The following KALRN variants were observed in gnomAD, a reference collection of about 807,000 sequenced individuals.
KALRN encodes kalirin.
Under a neutral mutation model 353.7 loss-of-function variants are expected in KALRN, and 70 were observed. The ratio of observed to expected loss-of-function variants is 0.20; its 90% CI spans 0.16 to 0.24. KALRN has a LOEUF of 0.24. Ranked by LOEUF, KALRN falls within the 10% of genes least tolerant of loss-of-function variation. The probability of loss-of-function intolerance (pLI) is 1.00; values close to 1 mark genes in which losing one functional copy is unlikely to be tolerated. For missense variants in KALRN, 2,791 were observed against 3,756.7 expected, an observed-to-expected ratio of 0.74 and a Z score of 6.72; for synonymous variants, 1,391 against 1,434.8, an observed-to-expected ratio of 0.97 and a Z score of 0.69.
chr3:124,239,386 T>C (rs2080169862), intron 3 of KALRN, among the ~76,000 whole-genome samples: 1 of 152,204 alleles, frequency 6.6e-6, no homozygotes, highest in Admixed American at 6.5e-5. Flanking sequence ...ATCATCACTG[T>C]TAGCCTGCTT....
chr3:124,712,673 A>G (rs1441963717), intron 57 of KALRN, among the ~76,000 whole-genome samples: 2 of 149,242 alleles, frequency 1.3e-5, no homozygotes, highest in African/African-American at 4.9e-5. Context: ...AAAAAAAAAA[A>G]GCTTTATATT....
At chr3:124,533,782 C>T (rs909232156) in intron 33 of KALRN, among the ~76,000 whole-genome samples, 5 of 152,216 alleles carry the variant, frequency 3.3e-5, no homozygotes, top group African/African-American at 9.6e-5. Context: ...ATGCACTTTA[C>T]TCTCCAAAAG....
Position 124,495,281 on chromosome 3 carries a change from A to G in KALRN, c.4833-1030A>G, listed in dbSNP as rs146523205. 9.7e-3 allele frequency among the ~76,000 whole-genome samples: 1,474 copies of G among 152,266 alleles called. 8 individuals are homozygous for G. Among genetic ancestry groups the G allele is most frequent in the Non-Finnish European group, 0.016 (1,095 of 68,012 alleles). ...TCTGTATCGATAAGAAATCATTATAAACATGCATGAGATCCTCAAAACCCA... is the reference window on the plus strand; with the variant it reads ...TCTGTATCGATAAGAAATCATTATAGACATGCATGAGATCCTCAAAACCCA... On this transcript the variant is annotated intron_variant, in intron 32 of 59. Coordinates refer to ENST00000682506, the MANE Select transcript of KALRN (RefSeq NM_001388419.1).
At chr3:124,409,373 A>G (rs2091926463) in intron 13 of KALRN, among the ~76,000 whole-genome samples, 1 of 152,202 alleles carries the variant, frequency 6.6e-6, no homozygotes. Context: ...TTTTCTTTTC[A>G]GTCTTGTCTC....
At chr3:124,561,085 C>T (rs1386651511) in intron 33 of KALRN, among the ~76,000 whole-genome samples, 1 of 152,192 alleles carries the variant, frequency 6.6e-6, no homozygotes, top group Non-Finnish European at 1.5e-5. Flanking sequence ...GATAGTACCA[C>T]CTGGTTATTG....
chr3:124,393,906 A>G (rs886361276), intron 11 of KALRN, among the ~76,000 whole-genome samples: 6 of 152,122 alleles, frequency 3.9e-5, no homozygotes, highest in Non-Finnish European at 7.4e-5. Context: ...CTTGAAGACT[A>G]TTTTTGTCTC....
At chr3:124,331,805 G>A (rs1396974667) in intron 8 of KALRN, among the ~76,000 whole-genome samples, 2 of 152,110 alleles carry the variant, frequency 1.3e-5, no homozygotes, top group Non-Finnish European at 2.9e-5. Context: ...TCAGGCCCTA[G>A]CGTTGTGAGG....
chr3:124,476,639 A>T (rs1016738629), intron 26 of KALRN, among the ~76,000 whole-genome samples: 1 of 152,086 alleles, frequency 6.6e-6, no homozygotes, highest in African/African-American at 2.4e-5. Flanking sequence ...ATTTTCACCC[A>T]GCCGTAAGGT....
intron 1 of KALRN, among the ~76,000 whole-genome samples, chr3:124,103,214 A>G (rs2062017785): frequency 6.6e-6 from 1 of 152,184 alleles, no homozygotes; most frequent in Admixed American, 6.5e-5. Context: ...CCCAGGCAAG[A>G]TGTATCTAGG....
At position 124,268,984 on chromosome 3, in the gene KALRN, C is replaced by T; in HGVS notation, c.698C>T (p.Thr233Ile). 6.2e-7 allele frequency: 1 copy of T among 1,614,088 alleles called. No individual in the cohort carries two copies. ...TCTCGGCGGCTCATTGACGAACACACACAGCTCAAGAAAAAGGTGCTGAAG... is the reference window on the plus strand; with the variant it reads ...TCTCGGCGGCTCATTGACGAACACATACAGCTCAAGAAAAAGGTGCTGAAG... ...EGSRRLIDEH[T>I]QLKKKVLKAP... The change falls in exon 5 of 60, where the codon ACA (threonine) becomes ATA (isoleucine). Residue 233 changes from threonine to isoleucine, a missense_variant. Coordinates refer to ENST00000682506, the MANE Select transcript of KALRN (RefSeq NM_001388419.1).
At chr3:124,389,167 C>T (rs2088934331) in intron 11 of KALRN, among the ~76,000 whole-genome samples, 1 of 152,022 alleles carries the variant, frequency 6.6e-6, no homozygotes, top group South Asian at 2.1e-4. Flanking sequence ...TTCTTCCTTC[C>T]TATAATAATT....
intron 1 of KALRN, among the ~76,000 whole-genome samples, chr3:124,140,720 A>G (rs2066510805): frequency 6.6e-6 from 1 of 152,066 alleles, no homozygotes; most frequent in Non-Finnish European, 1.5e-5. Context: ...CTGAGAGTCC[A>G]TTCCCATTCT....
rs891159734 is a variant in KALRN at position 124,719,351 on chromosome 3, A to C, written c.8842A>C (p.Ile2948Leu). ...GCCCCATAATGGCAGCTACTCTAAGATCCCCCTGGACACCTCCCGCCTAGC... is the reference window on the plus strand; with the variant it reads ...GCCCCATAATGGCAGCTACTCTAAGCTCCCCCTGGACACCTCCCGCCTAGC... ...LQPHNGSYSKIPLDTSRLACF... is the reference protein window; with the variant it reads ...LQPHNGSYSKLPLDTSRLACF... The change falls in exon 60 of 60, where the codon ATC (isoleucine) becomes CTC (leucine). Residue 2948 changes from isoleucine to leucine, a missense_variant. Physicochemically the swap from Ile to Leu is conservative, Grantham distance 5 (BLOSUM62 2). This residue lies in a region of KALRN where 188 missense variants were observed against 402.9 expected (regional missense o/e 0.47). Transcript: ENST00000682506. This position sits in a 1 kb window ranked among gnomAD's most constrained non-coding sequence, Gnocchi z 5.3. 3.7e-6 allele frequency: 6 copies of C among 1,614,024 alleles called. No homozygotes were observed. The African/African-American group carries it at 5.3e-5, about 14-fold the overall frequency.
chr3:124,647,486 C>G (rs568106984), intron 37 of KALRN, among the ~76,000 whole-genome samples: 1 of 152,320 alleles, frequency 6.6e-6, no homozygotes, highest in East Asian at 1.9e-4. Context: ...ATTGGCATAT[C>G]CAGTGAAAGT....
At chr3:124,227,053 G>T (rs1299789849) in intron 1 of KALRN, among the ~76,000 whole-genome samples, 1 of 152,128 alleles carries the variant, frequency 6.6e-6, no homozygotes, top group Non-Finnish European at 1.5e-5. Flanking sequence ...GGGATGCAAT[G>T]GTCTAGCCTG....
At chr3:124,700,124 G>T in intron 56 of KALRN, 91 bp downstream of exon 56, 2 of 1,286,540 alleles carry the variant, frequency 1.6e-6, no homozygotes, top group Non-Finnish European at 2.2e-6. Flanking sequence ...GACATGTCAG[G>T]CCACCATGCA....
chr3:124,219,909 A>G (rs1273886262), intron 1 of KALRN, among the ~76,000 whole-genome samples: 1 of 145,094 alleles, frequency 6.9e-6, no homozygotes, highest in Non-Finnish European at 1.5e-5. Flanking sequence ...TCCTTTCTCT[A>G]AGCACACACT....
intron 1 of KALRN, among the ~76,000 whole-genome samples, chr3:124,059,244 GAAAAA>G (rs1434440293): frequency 1.3e-5 from 2 of 151,924 alleles, no homozygotes; most frequent in East Asian, 3.9e-4. Flanking sequence ...GTAGCCATTT[GAAAAA>G]AATGATGCAT....
intron 1 of KALRN, among the ~76,000 whole-genome samples, chr3:124,145,637 T>C (rs1299716005): frequency 4.6e-5 from 7 of 152,238 alleles, no homozygotes; most frequent in Non-Finnish European, 8.8e-5. Flanking sequence ...GCAGCTAGTA[T>C]GTGCCCAGCA....
Sources: allele counts gnomAD v4.1 joint callset (sites outside exome capture counted in the v4.1 genomes callset), GRCh38; gene constraint gnomAD v4.1.1; regional missense constraint gnomAD v4.1.1; non-coding constraint Gnocchi (gnomAD v3.1); transcripts MANE v1.5; gene names NCBI Gene and HGNC (gene_info 2026-07-23, HGNC 2026-07-21).